RANBP17: variants seen among roughly 807,000 people sequenced by gnomAD.
The protein encoded by RANBP17 is RAN binding protein 17.
A neutral mutation model predicts 141.2 loss-of-function variants in RANBP17; 158 were observed. The observed-to-expected ratio is 1.12, with a 90% CI of 0.98 to 1.28. The LOEUF is 1.28. Ranked by LOEUF, RANBP17 falls within the 50% of genes most tolerant of loss-of-function variation. The pLI is 0.00. For synonymous variants in RANBP17, 430 were observed against 450.0 expected, an observed-to-expected ratio of 0.96 and a Z score of 0.56; for missense variants, 1,438 against 1,290.7, an observed-to-expected ratio of 1.11 and a Z score of -1.75.
intron 21 of RANBP17, among the ~76,000 whole-genome samples, chr5:171,214,662 C>G (rs142235534): frequency 2.0e-5 from 3 of 152,096 alleles, no homozygotes; most frequent in African/African-American, 4.8e-5. Flanking sequence ...ATGTGTGTAT[C>G]ATTTTTTTTA....
At chr5:171,166,782 A>C (rs964120190) in intron 14 of RANBP17, among the ~76,000 whole-genome samples, 1 of 152,240 alleles carries the variant, frequency 6.6e-6, no homozygotes, top group African/African-American at 2.4e-5. Flanking sequence ...AATGAGAAAC[A>C]GTCTTTTAAA....
intron 14 of RANBP17, among the ~76,000 whole-genome samples, chr5:171,010,010 G>A (rs1467068536): frequency 6.6e-6 from 1 of 152,028 alleles, no homozygotes; most frequent in African/African-American, 2.4e-5. Context: ...TCTTTTTGAT[G>A]AGTTAGAGGA....
At chr5:170,995,972 G>A (rs1778792097) in intron 14 of RANBP17, among the ~76,000 whole-genome samples, 3 of 151,978 alleles carry the variant, frequency 2.0e-5, no homozygotes, top group Admixed American at 2.0e-4. Context: ...GCTGCAGTGT[G>A]CTATGATCAC....
chr5:171,009,725 A>G (rs967363379), intron 14 of RANBP17, among the ~76,000 whole-genome samples: 2 of 152,176 alleles, frequency 1.3e-5, no homozygotes, highest in Non-Finnish European at 2.9e-5. Flanking sequence ...AGTAATTATT[A>G]TAGTCTTCTA....
At chr5:171,155,977 A>G (rs928391147) in intron 14 of RANBP17, among the ~76,000 whole-genome samples, 3 of 152,144 alleles carry the variant, frequency 2.0e-5, no homozygotes, top group African/African-American at 7.2e-5. Context: ...TAACAACTTA[A>G]TCCTGTAAAT....
chr5:170,934,855 T>A (rs185066648), intron 12 of RANBP17, among the ~76,000 whole-genome samples: 1 of 152,340 alleles, frequency 6.6e-6, no homozygotes, highest in Admixed American at 6.5e-5. Flanking sequence ...TTGGCCTGCC[T>A]TGCTAGGTTG....
rs148729367 is a variant in RANBP17 at position 171,063,436 on chromosome 5, G to C, written c.1710+95059G>C. ...TTGCAAGAGGTCCACTCTGGACCCT[G>C]CTTGCCTGGGTATCAGCAGCAGTGG... On this transcript the variant is annotated intron_variant, in intron 14 of 27. Coordinates refer to ENST00000523189, the MANE Select transcript of RANBP17 (RefSeq NM_022897.5). Among the ~76,000 whole-genome samples, 298 of 152,346 alleles carry C rather than the reference G, an allele frequency of 2.0e-3. 2 individuals are homozygous for C. Among genetic ancestry groups the C allele is most frequent in the African/African-American group, 6.8e-3 (282 of 41,578 alleles).
Position 171,199,680 on chromosome 5 carries a change from G to C in RANBP17, c.2049G>C (p.Glu683Asp). The change falls in exon 19 of 28, where the codon GAG becomes GAC. Residue 683 changes from glutamate to aspartate, a missense_variant. By Grantham distance (45) the Glu-to-Asp change is conservative. Coordinates refer to ENST00000523189, the MANE Select transcript of RANBP17 (RefSeq NM_022897.5). ...TTGTTTCTCTGATAGGTGAAGATGA[G>C]GATGAATTTGAGAATTTCATGCTGC... ...RLLMVDLGED[E>D]DEFENFMLPL... The C allele has an allele frequency of 1.2e-6, 2 of 1,605,742 alleles. No homozygotes were observed. The highest frequency in any genetic ancestry group is 8.5e-7 in the Non-Finnish European group (1 of 1,173,944).
intron 22 of RANBP17, among the ~76,000 whole-genome samples, chr5:171,234,743 A>G (rs546128072): frequency 6.6e-6 from 1 of 152,298 alleles, no homozygotes; most frequent in Non-Finnish European, 1.5e-5. Context: ...GAAGGCTAAG[A>G]TGGGTGTGGG....
intron 14 of RANBP17, among the ~76,000 whole-genome samples, chr5:171,167,807 G>C (rs1759807717): frequency 9.2e-5 from 14 of 151,860 alleles, no homozygotes. Context: ...TCTTGACAGG[G>C]GTGCCACTAA....
At chr5:171,184,626 C>T (rs933218700) in intron 18 of RANBP17, among the ~76,000 whole-genome samples, 1 of 152,100 alleles carries the variant, frequency 6.6e-6, no homozygotes, top group Admixed American at 6.6e-5. Context: ...GTTCTCACCA[C>T]AAAAATGGTA....
intron 14 of RANBP17, among the ~76,000 whole-genome samples, chr5:171,044,159 C>A (rs1782425469): frequency 6.6e-6 from 1 of 152,034 alleles, no homozygotes; most frequent in South Asian, 2.1e-4. Flanking sequence ...TAGTTGCTTT[C>A]TTTCCCCTGG....
intron 14 of RANBP17, among the ~76,000 whole-genome samples, chr5:171,125,878 C>G (rs1426974644): frequency 6.6e-6 from 1 of 151,862 alleles, no homozygotes; most frequent in African/African-American, 2.4e-5. Context: ...GCAACCTCTG[C>G]CTCCTGGGTT....
At position 171,265,686 on chromosome 5, in the gene RANBP17, G is replaced by A. The variant is rs1766623788; in HGVS notation, c.2782G>A (p.Val928Ile). ...CTTATTTACTATTTGTACAGATACAGTTGTCTCCTCCAGCTGCTGTACCAG... is the reference window on the plus strand; with the variant it reads ...CTTATTTACTATTTGTACAGATACAATTGTCTCCTCCAGCTGCTGTACCAG... Reference protein sequence around the residue: ...ISEGLTTLDTVVSSSCCTSLD... With the variant: ...ISEGLTTLDTIVSSSCCTSLD... Residue 928 changes from valine to isoleucine, a missense_variant, in exon 25 of 28, where the codon GTT becomes ATT. Val to Ile is a conservative substitution (Grantham distance 29, BLOSUM62 3). Transcript: ENST00000523189. The A allele has an allele frequency of 6.2e-7, 1 of 1,611,436 alleles. No individual in the cohort carries two copies. Among genetic ancestry groups the A allele is most frequent in the Admixed American group, 1.7e-5 (1 of 59,422 alleles).
chr5:171,064,322 G>GTATT (rs1784145436), intron 14 of RANBP17, among the ~76,000 whole-genome samples: 1 of 152,140 alleles, frequency 6.6e-6, no homozygotes, highest in South Asian at 2.1e-4. Flanking sequence ...GTCCTAGAAT[G>GTATT]TATTTTTAAG....
intron 14 of RANBP17, among the ~76,000 whole-genome samples, chr5:171,162,250 A>G (rs1432600034): frequency 2.6e-5 from 4 of 152,174 alleles, no homozygotes; most frequent in Non-Finnish European, 4.4e-5. Flanking sequence ...TTGGCAGCCA[A>G]CAGGAGCAAA....
At chr5:171,167,675 AG>A (rs1462801861) in intron 14 of RANBP17, among the ~76,000 whole-genome samples, 4 of 152,174 alleles carry the variant, frequency 2.6e-5, no homozygotes, top group African/African-American at 9.7e-5. Context: ...AATTCCAGTC[AG>A]AGTTAAGGGC....
intron 11 of RANBP17, among the ~76,000 whole-genome samples, chr5:170,921,512 C>T (rs1236585751): frequency 1.3e-5 from 2 of 152,058 alleles, no homozygotes; most frequent in Admixed American, 6.6e-5. Flanking sequence ...AGTTTGAAGT[C>T]AGGTAGCGTG....
rs540913640 is a variant in RANBP17, at chr5:171,222,755, C to T, written c.2422+915C>T. Among the ~76,000 whole-genome samples the T allele has an allele frequency of 9.3e-4, 142 of 152,196 alleles. 2 individuals are homozygous for T. The highest frequency in any genetic ancestry group is 3.2e-3 in the African/African-American group (134 of 41,522). ...AGGTGATCCTCCCACCTCAGCTTCC[C>T]GAGTAGCTGTGGTTATAGGCACGCC... On this transcript the variant is annotated intron_variant, in intron 22 of 27. Coordinates refer to ENST00000523189, the MANE Select transcript of RANBP17 (RefSeq NM_022897.5).
Sources: gnomAD v4.1 joint callset for allele counts (sites outside exome capture counted in the v4.1 genomes callset) on GRCh38, gnomAD v4.1.1 for gene constraint, MANE v1.5 for transcripts, NCBI Gene and HGNC (gene_info 2026-07-23, HGNC 2026-07-21) for gene names.